Variants in DNM3 observed in about 807,000 individuals in gnomAD.
DNM3 encodes the protein dynamin-3.
Under a neutral mutation model 101.6 loss-of-function variants are expected in DNM3, and 47 were observed. That is an observed-to-expected ratio of 0.46 (90% CI 0.37 to 0.59). The LOEUF (loss-of-function observed/expected upper bound fraction) is 0.59. Ranked by LOEUF, DNM3 falls within the 20% of genes least tolerant of loss-of-function variation. DNM3 has a pLI of 0.00. For synonymous variants in DNM3, 385 were observed against 387.9 expected (o/e 0.99, Z 0.09); for missense variants, 849 against 1,085.7 (o/e 0.78, Z 3.06).
intron 1 of DNM3, among the ~76,000 whole-genome samples, chr1:171,916,046 C>T (rs1040280927): frequency 2.0e-5 from 3 of 152,166 alleles, no homozygotes; most frequent in African/African-American, 7.2e-5. Flanking sequence ...GTCTAACTGC[C>T]TACATGTTGT....
At chr1:172,174,133 T>C (rs1359839943) in intron 14 of DNM3, among the ~76,000 whole-genome samples, 1 of 151,724 alleles carries the variant, frequency 6.6e-6, no homozygotes, top group African/African-American at 2.4e-5. Context: ...AATTATGTTA[T>C]TCTTTATAAA....
chr1:172,290,326 G>A (rs910186966), intron 15 of DNM3, among the ~76,000 whole-genome samples: 8 of 152,106 alleles, frequency 5.3e-5, no homozygotes, highest in African/African-American at 1.7e-4. Flanking sequence ...GGTTAGGGGA[G>A]GCTTCTCTAG....
At chr1:172,328,391 A>G (rs2148926858) in intron 17 of DNM3, among the ~76,000 whole-genome samples, 1 of 152,274 alleles carries the variant, frequency 6.6e-6, no homozygotes, top group South Asian at 2.1e-4. Context: ...TGAAAGCATA[A>G]TATCTGGATA....
chr1:172,364,450 G>C (rs948576330), intron 17 of DNM3, among the ~76,000 whole-genome samples: 1 of 151,720 alleles, frequency 6.6e-6, no homozygotes, highest in African/African-American at 2.4e-5. Context: ...ACAAGGAGTG[G>C]AAGAGCACAT....
intron 14 of DNM3, among the ~76,000 whole-genome samples, chr1:172,211,275 A>C (rs1224227355): frequency 6.6e-6 from 1 of 152,120 alleles, no homozygotes; most frequent in Non-Finnish European, 1.5e-5. Context: ...AGTATTTTCC[A>C]TAACCTAGGT....
chr1:172,301,408 G>A (rs2064443698), intron 15 of DNM3, among the ~76,000 whole-genome samples: 1 of 151,986 alleles, frequency 6.6e-6, no homozygotes, highest in South Asian at 2.1e-4. Flanking sequence ...AGGCTGAGGT[G>A]GAAGGATCAC....
At chr1:171,952,868 T>C (rs1205082934) in intron 2 of DNM3, among the ~76,000 whole-genome samples, 1 of 152,160 alleles carries the variant, frequency 6.6e-6, no homozygotes, top group Non-Finnish European at 1.5e-5. Flanking sequence ...TATTTTCTCT[T>C]AGAGTGTTAT....
intron 14 of DNM3, among the ~76,000 whole-genome samples, chr1:172,191,966 C>G (rs189777698): frequency 1.3e-3 from 200 of 150,288 alleles, no homozygotes; most frequent in African/African-American, 4.6e-3. Flanking sequence ...CTGCACTTTT[C>G]CTAAGTGAAT....
At chr1:172,078,444 G>A (rs2052856555) in intron 11 of DNM3, among the ~76,000 whole-genome samples, 1 of 150,312 alleles carries the variant, frequency 6.7e-6, no homozygotes, top group African/African-American at 2.5e-5. Flanking sequence ...TTGCAACCCT[G>A]CTTTTTTTTT....
chr1:172,091,244 G>A (rs1285888675), intron 12 of DNM3, among the ~76,000 whole-genome samples: 3 of 152,196 alleles, frequency 2.0e-5, no homozygotes, highest in African/African-American at 7.2e-5. Flanking sequence ...GGATATAGCA[G>A]TGAACAAAAC....
At chr1:172,366,488 C>T (rs188413666) in intron 17 of DNM3, 1 of 151,960 alleles carries the variant, frequency 6.6e-6, no homozygotes, top group East Asian at 1.9e-4. Flanking sequence ...AAGTTAATAT[C>T]AGAACCTAGC....
intron 15 of DNM3, among the ~76,000 whole-genome samples, chr1:172,305,042 C>A (rs937560913): frequency 6.6e-6 from 1 of 152,230 alleles, no homozygotes; most frequent in Middle Eastern, 3.4e-3. Context: ...CAGAGCAGAA[C>A]TGAAGGCGAT....
At chr1:172,126,643 T>C (rs998573007) in intron 13 of DNM3, among the ~76,000 whole-genome samples, 2 of 152,170 alleles carry the variant, frequency 1.3e-5, no homozygotes, top group East Asian at 1.9e-4. Context: ...GCCAGTAAGA[T>C]CAGGCAATTT....
At chr1:172,194,321 G>A (rs1040203335) in intron 14 of DNM3, among the ~76,000 whole-genome samples, 1 of 152,082 alleles carries the variant, frequency 6.6e-6, no homozygotes, top group Non-Finnish European at 1.5e-5. Context: ...GTGGTGCTGA[G>A]AAGAATGTAT....
downstream of DNM3, among the ~76,000 whole-genome samples, chr1:172,417,360 G>A (rs187894923): frequency 2.7e-3 from 418 of 152,310 alleles, 1 homozygote; most frequent in African/African-American, 9.4e-3. Flanking sequence ...TCATTGCAAT[G>A]TAGGGTTTAC....
At chr1:172,116,918 T>A (rs2055939931) in intron 13 of DNM3, among the ~76,000 whole-genome samples, 1 of 152,082 alleles carries the variant, frequency 6.6e-6, no homozygotes, top group South Asian at 2.1e-4. Context: ...TTAAAAGTCT[T>A]CACTGGGCCG....
intron 14 of DNM3, among the ~76,000 whole-genome samples, chr1:172,222,739 C>G (rs1037009597): frequency 2.6e-5 from 4 of 152,012 alleles, no homozygotes; most frequent in African/African-American, 9.7e-5. Context: ...CAACATACAA[C>G]CACTTGAACT....
chr1:171,921,116 T>TC (rs1491371307), intron 1 of DNM3, among the ~76,000 whole-genome samples: 1 of 135,158 alleles, frequency 7.4e-6, no homozygotes, highest in Admixed American at 7.8e-5. Flanking sequence ...TTTTTTTTTT[T>TC]CTTTTTTTTT....
intron 20 of DNM3, among the ~76,000 whole-genome samples, chr1:172,390,614 G>T (rs973334018): frequency 6.6e-6 from 1 of 152,174 alleles, no homozygotes; most frequent in African/African-American, 2.4e-5. Context: ...TCCTCTCCAC[G>T]TGAGAACCAC....
Sources: allele counts gnomAD v4.1 joint callset (sites outside exome capture counted in the v4.1 genomes callset), GRCh38; gene constraint gnomAD v4.1.1; transcripts MANE v1.5; gene names NCBI Gene and HGNC (gene_info 2026-07-23, HGNC 2026-07-21).